The following DLG5 variants were observed in gnomAD, a reference collection of about 807,000 sequenced individuals.
DLG5 encodes the protein discs large MAGUK scaffold protein 5.
A neutral mutation model predicts 189.8 loss-of-function variants in DLG5; 48 were observed. The observed-to-expected ratio is 0.25, with a 90% CI of 0.20 to 0.32. DLG5 has a LOEUF of 0.32. Among genes scored for constraint, DLG5 ranks in the 10% least tolerant of loss-of-function variants. The probability of loss-of-function intolerance (pLI) is 1.00; values close to 1 mark genes in which losing one functional copy is unlikely to be tolerated. For synonymous variants in DLG5, 1,016 were observed against 1,054.1 expected, an observed-to-expected ratio of 0.96 and a Z score of 0.70; for missense variants, 2,160 against 2,544.7, an observed-to-expected ratio of 0.85 and a Z score of 3.25.
chr10:77,899,006 C>A (rs1012206031), intron 1 of DLG5, among the ~76,000 whole-genome samples: 1 of 152,206 alleles, frequency 6.6e-6, no homozygotes, highest in Non-Finnish European at 1.5e-5. Context: ...CCACTCTCCA[C>A]GTACTCAGAC....
chr10:77,922,912 CG>C (rs1429236496), intron 1 of DLG5, among the ~76,000 whole-genome samples: 2 of 152,224 alleles, frequency 1.3e-5, no homozygotes, highest in East Asian at 3.8e-4. Context: ...AGAGTTGCCC[CG>C]ATGGGTTGGG....
intron 13 of DLG5, among the ~76,000 whole-genome samples, chr10:77,827,512 C>A (rs1298395857): frequency 6.6e-6 from 1 of 152,226 alleles, no homozygotes; most frequent in Non-Finnish European, 1.5e-5. Context: ...GGGCGTGAGC[C>A]ACCGTGCCCC....
chr10:77,884,478 A>T (rs1247496607), intron 1 of DLG5, among the ~76,000 whole-genome samples: 1 of 152,022 alleles, frequency 6.6e-6, no homozygotes, highest in Admixed American at 6.6e-5. Context: ...GTCGGGCAAG[A>T]GTATCTCATC....
At chr10:77,828,221 C>A (rs966412587) in intron 13 of DLG5, among the ~76,000 whole-genome samples, 1 of 152,116 alleles carries the variant, frequency 6.6e-6, no homozygotes, top group Non-Finnish European at 1.5e-5. Flanking sequence ...TGCTGTGGAT[C>A]ATGCCTGTAA....
chr10:77,829,584 T>C lies in DLG5; in HGVS notation c.2010-54A>G, dbSNP rs1842804455. 43 of 1,539,482 alleles carry C rather than the reference T, an allele frequency of 2.8e-5. 1 individual carries two copies. In the South Asian group the frequency reaches 5.2e-4, roughly 19 times the overall value. On this transcript the variant is annotated intron_variant, in intron 11 of 31. Transcript: ENST00000372391. ...CCACACAGGCTGTGGGACCAGCGGC[T>C]ACCGCCCACAACTCTCACTCAGGGG...
At chr10:77,822,728 A>G (rs949957692) in intron 14 of DLG5, among the ~76,000 whole-genome samples, 1 of 152,220 alleles carries the variant, frequency 6.6e-6, no homozygotes, top group African/African-American at 2.4e-5. Flanking sequence ...TTAAAAATAT[A>G]TCTCTTGTGG....
Position 77,806,738 on chromosome 10 carries a change from C to CCCCCCCCCCCAAA in DLG5, c.4967+19_4967+20insTTTGGGGGGGGGG. 6.4e-7 allele frequency: 1 copy of CCCCCCCCCCCAAA among 1,574,712 alleles called. No individual in the cohort carries two copies. The highest frequency in any genetic ancestry group is 8.7e-7 in the Non-Finnish European group (1 of 1,147,898). Reference sequence around the variant, plus strand: ...CGGCGACCCCTGCCCCACCCCACCCCAGGCCCGGAGAACACTTACACATAT... The same window carrying CCCCCCCCCCCAAA: ...CGGCGACCCCTGCCCCACCCCACCCCCCCCCCCCCCAAAAGGCCCGGAGAACACTTACACATAT... On this transcript the variant is annotated intron_variant, in intron 26 of 31. Coordinates refer to ENST00000372391, the MANE Select transcript of DLG5 (RefSeq NM_004747.4).
intron 13 of DLG5, among the ~76,000 whole-genome samples, chr10:77,825,112 G>A (rs760901256): frequency 1.3e-5 from 2 of 152,122 alleles, no homozygotes; most frequent in African/African-American, 2.4e-5. Flanking sequence ...CCTCTTGGGT[G>A]GATCTTGCAG....
chr10:77,833,394 G>C (rs1842968568), intron 9 of DLG5, among the ~76,000 whole-genome samples: 1 of 152,284 alleles, frequency 6.6e-6, no homozygotes, highest in African/African-American at 2.4e-5. Flanking sequence ...TTACGTACTT[G>C]TCTCTTAGAT....
At chr10:77,902,961 A>C (rs907401955) in intron 1 of DLG5, among the ~76,000 whole-genome samples, 3 of 152,042 alleles carry the variant, frequency 2.0e-5, no homozygotes, top group Non-Finnish European at 4.4e-5. Context: ...GTCTCAAAAA[A>C]TAAATAAATA....
chr10:77,871,308 C>G (rs540524409), intron 1 of DLG5, among the ~76,000 whole-genome samples: 9 of 152,108 alleles, frequency 5.9e-5, no homozygotes, highest in African/African-American at 1.9e-4. Flanking sequence ...GGGGGTGAGA[C>G]AGTGAGGGAG....
chr10:77,935,091 C>A, the DLG5 span, among the ~76,000 whole-genome samples: 38 of 152,106 alleles, frequency 2.5e-4, no homozygotes, highest in South Asian at 7.9e-3. Context: ...CTCCTGACCT[C>A]GTGATCCGCC....
In DLG5 at chr10:77,805,738, G is replaced by T; in HGVS notation, c.5091C>A (p.Arg1697=). 2 of 1,614,158 alleles carry T rather than the reference G, an allele frequency of 1.2e-6. No individual in the cohort carries two copies. Among genetic ancestry groups the T allele is most frequent in the Non-Finnish European group, 1.7e-6 (2 of 1,180,034 alleles). ...GGTCTTTCCCGTCCTTGGACCCGCT[G>T]CGTTTGTGCTTGTGTTTCCTCCGAA... is the stretch of plus-strand genomic sequence containing the variant. ...SFFRRKHKHK[R]SGSKDGKDLL... Residue 1697 remains arginine (R), a synonymous_variant, in exon 27 of 32, where the codon CGC becomes CGA. Coordinates refer to ENST00000372391, the MANE Select transcript of DLG5 (RefSeq NM_004747.4).
At chr10:77,844,589 T>G (rs933448797) in intron 5 of DLG5, among the ~76,000 whole-genome samples, 1 of 152,336 alleles carries the variant, frequency 6.6e-6, no homozygotes, top group Admixed American at 6.5e-5. Flanking sequence ...AGCACTGGTC[T>G]AGGGGCTGGT....
At chr10:77,822,711 T>C (rs1286519748) in intron 14 of DLG5, among the ~76,000 whole-genome samples, 1 of 152,138 alleles carries the variant, frequency 6.6e-6, no homozygotes, top group Non-Finnish European at 1.5e-5. Flanking sequence ...AAAGTAAAAA[T>C]TCATTGTTAA....
chr10:77,872,667 C>CTG (rs1362921678), intron 1 of DLG5, among the ~76,000 whole-genome samples: 3 of 152,156 alleles, frequency 2.0e-5, no homozygotes, highest in Non-Finnish European at 4.4e-5. Flanking sequence ...TCCTAAAGGC[C>CTG]TGTGTGGTCA....
At chr10:77,895,613 C>G (rs1845735339) in intron 1 of DLG5, among the ~76,000 whole-genome samples, 1 of 152,190 alleles carries the variant, frequency 6.6e-6, no homozygotes, top group Non-Finnish European at 1.5e-5. Context: ...AGTCCCTCAG[C>G]TGTTCAGACC....
Position 77,804,297 on chromosome 10 carries a change from A to G in DLG5, c.5164+1368T>C, listed in dbSNP as rs959854437. ...GCAAAGGGCTAATAGACTTTTTTAC[A>G]TCTTACATTTTAAGAAGTGTAAAAA... On this transcript the variant is annotated intron_variant, in intron 27 of 31. Transcript: ENST00000372391. 7.2e-5 allele frequency among the ~76,000 whole-genome samples: 11 copies of G among 152,250 alleles called. 1 individual carries two copies. Among genetic ancestry groups the G allele is most frequent in the African/African-American group, 2.7e-4 (11 of 41,468 alleles).
rs140103012 is a variant in DLG5, at chr10:77,821,619, C to T, written c.2865G>A (p.Thr955=). 2.5e-5 allele frequency: 41 copies of T among 1,613,114 alleles called. No individual in the cohort carries two copies. The African/African-American group carries it at 3.9e-4, about 15-fold the overall frequency. The change falls in exon 15 of 32, where the codon ACG becomes ACA. Residue 955 remains threonine, a synonymous_variant. Coordinates refer to ENST00000372391, the MANE Select transcript of DLG5 (RefSeq NM_004747.4). ...AAACAGAGAGCTTCTCAGGCACTGC[C>T]GTGGAGCTGAGCATGGCCTTGGGCC... The part of the protein sequence containing the change: ...GTWPKAMLSS[T]AVPEKLSVYK...
Sources: gnomAD v4.1 joint callset for allele counts (sites outside exome capture counted in the v4.1 genomes callset) on GRCh38, gnomAD v4.1.1 for gene constraint, MANE v1.5 for transcripts, NCBI Gene and HGNC (gene_info 2026-07-23, HGNC 2026-07-21) for gene names.